The following CLNK variants were observed in gnomAD, a reference collection of about 807,000 sequenced individuals.
CLNK encodes the protein cytokine-dependent hematopoietic cell linker.
In CLNK, 74 loss-of-function variants were observed where a neutral mutation model predicts 68.6. The observed-to-expected ratio is 1.08, with a 90% CI of 0.89 to 1.31. The LOEUF (loss-of-function observed/expected upper bound fraction) is 1.31. Ranked by LOEUF, CLNK falls within the 50% of genes most tolerant of loss-of-function variation. The pLI, the probability that CLNK is intolerant of heterozygous loss-of-function variation, is 0.00. For missense variants in CLNK, 553 were observed against 515.3 expected (o/e 1.07, Z -0.71); for synonymous variants, 198 against 172.2 (o/e 1.15, Z -1.17).
the CLNK span, chr4:10,697,240 A>C: frequency 1.3e-5 from 2 of 152,230 alleles, no homozygotes; most frequent in Non-Finnish European, 1.5e-5. Context: ...TCTCACTGAC[A>C]CTGGATCCGT....
At chr4:10,534,733 G>A (rs1718671192) in intron 11 of CLNK, among the ~76,000 whole-genome samples, 1 of 152,082 alleles carries the variant, frequency 6.6e-6, no homozygotes, top group Admixed American at 6.6e-5. Flanking sequence ...ATAAAATTAT[G>A]GATTTTTTAT....
intron 2 of CLNK, among the ~76,000 whole-genome samples, chr4:10,638,867 A>G (rs1275772927): frequency 1.3e-5 from 2 of 152,170 alleles, no homozygotes; most frequent in Non-Finnish European, 2.9e-5. Flanking sequence ...GTGTTTTTAC[A>G]TGGTCCCCTC....
intron 8 of CLNK, among the ~76,000 whole-genome samples, chr4:10,542,638 ATGTG>A (rs142413547): frequency 2.0e-5 from 3 of 147,754 alleles, no homozygotes; most frequent in South Asian, 2.2e-4. Flanking sequence ...GCATGTGTAT[ATGTG>A]TGTGTGTGTG....
At chr4:10,645,476 C>T (rs1723469802) in intron 2 of CLNK, among the ~76,000 whole-genome samples, 1 of 152,134 alleles carries the variant, frequency 6.6e-6, no homozygotes, top group Admixed American at 6.5e-5. Context: ...AATCTCCATG[C>T]TTAAATAGAA....
At chr4:10,563,647 G>C (rs1009658277) in intron 7 of CLNK, among the ~76,000 whole-genome samples, 1 of 152,120 alleles carries the variant, frequency 6.6e-6, no homozygotes, top group African/African-American at 2.4e-5. Flanking sequence ...GGTGGCTCAC[G>C]ACCATAATCC....
At chr4:10,659,047 AC>A in intron 2 of CLNK, among the ~76,000 whole-genome samples, 1 of 152,264 alleles carries the variant, frequency 6.6e-6, no homozygotes, top group South Asian at 2.1e-4. Context: ...TACAGAAAAT[AC>A]AAAAAATGAG....
chr4:10,551,595 A>G (rs879849601), intron 8 of CLNK, among the ~76,000 whole-genome samples: 1 of 152,082 alleles, frequency 6.6e-6, no homozygotes, highest in Non-Finnish European at 1.5e-5. Context: ...ATGAAATACA[A>G]TCATGCAATA....
At chr4:10,704,002 A>G in the CLNK span, among the ~76,000 whole-genome samples, 1 of 152,332 alleles carries the variant, frequency 6.6e-6, no homozygotes, top group Admixed American at 6.5e-5. Context: ...AAGTGCTATG[A>G]AGAAATAGTA....
intron 15 of CLNK, among the ~76,000 whole-genome samples, chr4:10,515,780 A>G (rs1034108217): frequency 6.6e-6 from 1 of 152,260 alleles, no homozygotes; most frequent in African/African-American, 2.4e-5. Context: ...GCATATATCA[A>G]CAGTGGCAGA....
the CLNK span, among the ~76,000 whole-genome samples, chr4:10,714,947 CTTAAG>C: frequency 6.6e-6 from 1 of 151,786 alleles, no homozygotes; most frequent in African/African-American, 2.4e-5. Flanking sequence ...ATTTATGTAC[CTTAAG>C]TTTTTTTTTC....
intron 11 of CLNK, among the ~76,000 whole-genome samples, chr4:10,537,649 T>TTC (rs1395977911): frequency 4.8e-4 from 23 of 48,356 alleles, no homozygotes; most frequent in Middle Eastern, 7.7e-3. Flanking sequence ...CTTTCTTTCT[T>TTC]TCTTTCTTTC....
At chr4:10,684,006 T>C (rs1725179531) in intron 1 of CLNK, among the ~76,000 whole-genome samples, 1 of 152,246 alleles carries the variant, frequency 6.6e-6, no homozygotes, top group Admixed American at 6.5e-5. Flanking sequence ...AAAGTATCCA[T>C]ATTTTGATGA....
the CLNK span, among the ~76,000 whole-genome samples, chr4:10,729,186 CTTTTA>C: frequency 6.6e-6 from 1 of 152,102 alleles, no homozygotes; most frequent in African/African-American, 2.4e-5. Context: ...CACTCTGTAC[CTTTTA>C]ATTTAGGGTC....
chr4:10,703,839 G>A, the CLNK span, among the ~76,000 whole-genome samples: 1 of 152,026 alleles, frequency 6.6e-6, no homozygotes. Flanking sequence ...CACAGAAAAG[G>A]TACAGTAATA....
intron 4 of CLNK, among the ~76,000 whole-genome samples, chr4:10,582,305 C>G (rs56125327): frequency 0.036 from 5,466 of 152,288 alleles, 152 homozygotes; most frequent in Non-Finnish European, 0.054. Flanking sequence ...GCCTGTCTCC[C>G]TCTTGTCCTA....
chr4:10,535,213 G>GAA (rs1390380873), intron 11 of CLNK, among the ~76,000 whole-genome samples: 8 of 131,392 alleles, frequency 6.1e-5, no homozygotes, highest in South Asian at 2.6e-4. Context: ...AAGAAAGAAA[G>GAA]AGAAAGAAAG....
At chr4:10,538,799 G>A (rs138887417) in intron 11 of CLNK, among the ~76,000 whole-genome samples, 108 of 152,284 alleles carry the variant, frequency 7.1e-4, no homozygotes, top group African/African-American at 2.3e-3. Flanking sequence ...AAACAGACTT[G>A]TCAATTTGTT....
chr4:10,533,509 A>T (rs1320574566), intron 11 of CLNK, among the ~76,000 whole-genome samples: 2 of 152,208 alleles, frequency 1.3e-5, no homozygotes, highest in Non-Finnish European at 2.9e-5. Flanking sequence ...TTCCAGAAAC[A>T]CACAGTACTC....
At chr4:10,606,267 T>C (rs1027522029) in intron 2 of CLNK, among the ~76,000 whole-genome samples, 2 of 152,174 alleles carry the variant, frequency 1.3e-5, no homozygotes, top group Non-Finnish European at 2.9e-5. Flanking sequence ...TAGGCCTGCA[T>C]AGGGTCAGGG....
Sources: gnomAD v4.1 joint callset for allele counts (sites outside exome capture counted in the v4.1 genomes callset) on GRCh38, gnomAD v4.1.1 for gene constraint, MANE v1.5 for transcripts, NCBI Gene and HGNC (gene_info 2026-07-23, HGNC 2026-07-21) for gene names.